The following NBPF3 variants were observed in gnomAD, a reference collection of about 807,000 sequenced individuals.
The protein encoded by NBPF3 is NBPF member 3, also known as NBPF family member NBPF3.
NBPF3 carries 57 observed loss-of-function variants against 78.1 expected under a neutral mutation model. The observed-to-expected ratio is 0.73, with a 90% CI of 0.59 to 0.91. The LOEUF (loss-of-function observed/expected upper bound fraction) is 0.91. Ranked by LOEUF, NBPF3 falls within the 40% of genes least tolerant of loss-of-function variation. The pLI, the probability that NBPF3 is intolerant of heterozygous loss-of-function variation, is 0.00. For missense variants in NBPF3, 510 were observed against 715.3 expected (o/e 0.71, Z 3.27); for synonymous variants, 182 against 271.7 (o/e 0.67, Z 3.25).
Position 21,473,541 on chromosome 1 carries a change from C to T in NBPF3, c.896C>T (p.Ser299Leu). 2.5e-6 allele frequency: 4 copies of T among 1,614,230 alleles called. No homozygotes were observed. Among genetic ancestry groups the T allele is most frequent in the Non-Finnish European group, 2.5e-6 (3 of 1,180,038 alleles). The change falls in exon 7 of 15, where the codon TCA becomes TTA. Residue 299 changes from serine to leucine, a missense_variant. By Grantham distance (145) the Ser-to-Leu change is moderately radical. Transcript: ENST00000318249. The part of the protein sequence containing the change: ...EDQVDSTLID[S>L]SSHDEWLDAV... Reference sequence around the variant, plus strand: ...CAAGTCGACTCAACTCTCATTGACTCATCCTCTCATGATGAATGGTTGGAT... The same window carrying T: ...CAAGTCGACTCAACTCTCATTGACTTATCCTCTCATGATGAATGGTTGGAT...
intron 2 of NBPF3, among the ~76,000 whole-genome samples, chr1:21,448,471 C>T (rs1344012745): frequency 6.6e-6 from 1 of 152,070 alleles, no homozygotes; most frequent in East Asian, 1.9e-4. Flanking sequence ...CTCTGTATTC[C>T]TTTTCCACGA....
chr1:21,445,023 C>T lies in NBPF3; in HGVS notation c.-64C>T, dbSNP rs535928556. ...CCAGGCTCTCACCAGCCAATTGTCC[C>T]TTGCCGTCCTCCTGAGGGTATCTGG... On this transcript the variant is annotated 5_prime_UTR_variant, in exon 2 of 15. Transcript: ENST00000318249. 8.4e-6 allele frequency: 13 copies of T among 1,542,034 alleles called. No homozygotes were observed. The African/African-American group carries it at 1.2e-4, about 15-fold the overall frequency.
At chr1:21,447,978 A>AT (rs1014824841) in intron 2 of NBPF3, among the ~76,000 whole-genome samples, 5 of 150,680 alleles carry the variant, frequency 3.3e-5, no homozygotes, top group South Asian at 2.1e-4. Flanking sequence ...TCTTTCACCT[A>AT]TTTTTTTTTC....
At position 21,471,691 on chromosome 1, in the gene NBPF3, A is replaced by G. The variant is rs755940803; in HGVS notation, c.569A>G (p.Asp190Gly). 3.2e-5 allele frequency: 52 copies of G among 1,613,226 alleles called. 1 individual carries two copies. Among genetic ancestry groups the G allele is most frequent in the Non-Finnish European group, 4.2e-5 (50 of 1,179,836 alleles). Residue 190 changes from aspartate to glycine, a missense_variant, in exon 5 of 15, where the codon GAT becomes GGT. Physicochemically the swap from Asp to Gly is moderately conservative, Grantham distance 94. Around this residue, in one of 5 missense-constraint regions of NBPF3, gnomAD observed 440 missense variants for 478.2 expected, o/e 0.92. Coordinates refer to ENST00000318249, the MANE Select transcript of NBPF3 (RefSeq NM_032264.6). ...CATCTCCAGGCCCTCCTCACTCCGG[A>G]TGAGCCGGACAACTCCCAGGGACGG... ...NQHLQALLTP[D>G]EPDNSQGRDL... is the part of the protein sequence containing the mutation.
chr1:21,471,792 G>T lies in NBPF3; in HGVS notation c.661+9G>T. On this transcript the variant is annotated intron_variant, in intron 5 of 14. Transcript: ENST00000318249. ...CCAAAAGCTCAGCCCAGGTGAGGTG[G>T]CCATAGGCCCTGATGACCCAAAACC... 1.2e-6 allele frequency: 2 copies of T among 1,612,410 alleles called. No individual in the cohort carries two copies. Among genetic ancestry groups the T allele is most frequent in the Non-Finnish European group, 1.7e-6 (2 of 1,179,790 alleles).
At position 21,468,391 on chromosome 1, in the gene NBPF3, C is replaced by T. The variant is rs1642394125; in HGVS notation, c.134-297C>T. 5.4e-6 allele frequency: 7 copies of T among 1,302,740 alleles called. No individual in the cohort carries two copies. The South Asian group carries it at 8.9e-5, about 17-fold the overall frequency. 80.7% of individuals were successfully genotyped at this position (1,302,740 alleles called of 1,614,324 possible). ...CCTGGGCAATTGGAATGCAGGGCTCCTAAGATTCCATGACACCCCCACCTT... is the reference window on the plus strand; with the variant it reads ...CCTGGGCAATTGGAATGCAGGGCTCTTAAGATTCCATGACACCCCCACCTT... On this transcript the variant is annotated intron_variant, in intron 2 of 14. Transcript: ENST00000318249.
At chr1:21,464,050 T>C (rs1642112626) in intron 2 of NBPF3, among the ~76,000 whole-genome samples, 1 of 152,178 alleles carries the variant, frequency 6.6e-6, no homozygotes, top group Non-Finnish European at 1.5e-5. Context: ...GTGTGTGAGT[T>C]CCTCAAAAAG....
intron 2 of NBPF3, chr1:21,459,765 G>A: frequency 6.2e-6 from 2 of 320,620 alleles, no homozygotes; most frequent in Non-Finnish European, 1.3e-5. Flanking sequence ...CAGTGTCTTG[G>A]CAATCATGGT....
chr1:21,437,469 A>T, upstream of NBPF3: 1 of 1,451,150 alleles, frequency 6.9e-7, no homozygotes, highest in East Asian at 2.6e-5. Context: ...GGCACCATGC[A>T]GGTCCACGAG....
chr1:21,447,154 T>G (rs572536695), intron 2 of NBPF3, among the ~76,000 whole-genome samples: 4 of 152,234 alleles, frequency 2.6e-5, no homozygotes, highest in Non-Finnish European at 5.9e-5. Flanking sequence ...GAGTGGATAG[T>G]ACAGAGGGTT....
chr1:21,468,480 T>A, intron 2 of NBPF3: 2 of 1,437,976 alleles, frequency 1.4e-6, no homozygotes, highest in Non-Finnish European at 1.8e-6. Context: ...TGTCGGAGAC[T>A]GAGCTATTGG....
chr1:21,460,972 G>T lies in NBPF3; in HGVS notation c.134-7716G>T, dbSNP rs959779960. 7.9e-5 allele frequency among the ~76,000 whole-genome samples: 12 copies of T among 152,088 alleles called. No homozygotes were observed. The highest frequency in any genetic ancestry group is 2.9e-4 in the African/African-American group (12 of 41,432). On this transcript the variant is annotated intron_variant, in intron 2 of 14. Transcript: ENST00000318249. This position sits in a 1 kb window ranked among gnomAD's most constrained non-coding sequence, Gnocchi z 4.2. ...TTCAATGAACATAAAATTTTGAGAA[G>T]ATATTTTCCATAAGAAGATATCTTA...
intron 10 of NBPF3, among the ~76,000 whole-genome samples, chr1:21,479,830 G>C (rs1371718162): frequency 2.8e-5 from 4 of 142,086 alleles, no homozygotes; most frequent in South Asian, 2.4e-4. Flanking sequence ...CTGTGTGTGT[G>C]TGTGTGTGTG....
At chr1:21,468,453 C>T in intron 2 of NBPF3, 3 of 1,408,780 alleles carry the variant, frequency 2.1e-6, no homozygotes, top group Non-Finnish European at 2.8e-6. Context: ...CGTTACCTGG[C>T]ACACTGGCCT....
upstream of NBPF3, among the ~76,000 whole-genome samples, chr1:21,439,029 G>T (rs554440390): frequency 1.8e-4 from 28 of 152,286 alleles, no homozygotes; most frequent in African/African-American, 6.3e-4. Context: ...GGAGAGATAG[G>T]ATTGAACTTC....
upstream of NBPF3, chr1:21,437,450 A>G: frequency 7.0e-7 from 1 of 1,427,034 alleles, no homozygotes; most frequent in Non-Finnish European, 9.4e-7. Flanking sequence ...CCTGCGGGAC[A>G]AGACCGAGGG....
In NBPF3 at chr1:21,483,965, T is replaced by G. The variant is rs1643353769; in HGVS notation, c.*579T>G. Reference sequence around the variant, plus strand: ...TCAGCCTCCAATTGATATCAATACTTAGGAAGACCACAGCTAGACGGACAA... The same window carrying G: ...TCAGCCTCCAATTGATATCAATACTGAGGAAGACCACAGCTAGACGGACAA... On this transcript the variant is annotated 3_prime_UTR_variant, in exon 15 of 15. Coordinates refer to ENST00000318249, the MANE Select transcript of NBPF3 (RefSeq NM_032264.6). 6.5e-6 allele frequency: 1 copy of G among 153,892 alleles called. No homozygotes were observed. Among genetic ancestry groups the G allele is most frequent in the African/African-American group, 2.4e-5 (1 of 41,104 alleles). 9.5% of individuals were successfully genotyped at this position (153,892 alleles called of 1,614,324 possible). A position where few individuals can be genotyped will look rare whatever the true frequency, so the allele number is the denominator to read the frequency against.
chr1:21,468,968 C>A, intron 3 of NBPF3, 71 bp downstream of exon 3: 1 of 1,190,268 alleles, frequency 8.4e-7, no homozygotes, highest in Non-Finnish European at 1.2e-6. Flanking sequence ...AAACTAAATG[C>A]TCTCTCCATC....
At chr1:21,449,097 A>G (rs1641154087) in intron 2 of NBPF3, among the ~76,000 whole-genome samples, 1 of 151,954 alleles carries the variant, frequency 6.6e-6, no homozygotes. Context: ...ATTCCCTTGA[A>G]CCTCTTTGTA....
Sources: allele counts gnomAD v4.1 joint callset (sites outside exome capture counted in the v4.1 genomes callset), GRCh38; gene constraint gnomAD v4.1.1; regional missense constraint gnomAD v4.1.1; non-coding constraint Gnocchi (gnomAD v3.1); transcripts MANE v1.5; gene names NCBI Gene and HGNC (gene_info 2026-07-23, HGNC 2026-07-21).